PDZD2: variants seen among roughly 807,000 people sequenced by gnomAD.
PDZD2 encodes PDZ domain-containing protein 2.
In PDZD2, 90 loss-of-function variants were observed where a neutral mutation model predicts 220.7. The observed-to-expected ratio is 0.41, with a 90% CI of 0.34 to 0.49. PDZD2 has a LOEUF of 0.49. Ranked by LOEUF, PDZD2 falls within the 20% of genes least tolerant of loss-of-function variation. The pLI is 0.28. For missense variants in PDZD2, 3,174 were observed against 3,608.5 expected, an observed-to-expected ratio of 0.88 and a Z score of 3.08; for synonymous variants, 1,375 against 1,450.5, an observed-to-expected ratio of 0.95 and a Z score of 1.18.
At chr5:31,777,054 G>T (rs1024897217) in intron 1 of PDZD2, among the ~76,000 whole-genome samples, 1 of 152,278 alleles carries the variant, frequency 6.6e-6, no homozygotes, top group East Asian at 1.9e-4. Flanking sequence ...CCCTCTCTGG[G>T]CTGGCCGAGC....
At chr5:31,772,950 T>C (rs1752420169) in intron 1 of PDZD2, among the ~76,000 whole-genome samples, 1 of 152,170 alleles carries the variant, frequency 6.6e-6, no homozygotes, top group South Asian at 2.1e-4. Context: ...GAAGGTTCCA[T>C]GGAGTGTCAG....
chr5:31,830,125 A>G (rs1026492543), intron 2 of PDZD2, among the ~76,000 whole-genome samples: 1 of 149,828 alleles, frequency 6.7e-6, no homozygotes, highest in South Asian at 2.1e-4. Flanking sequence ...ACTTGTTCAC[A>G]TTTTCCCTCC....
At chr5:32,010,292 A>C (rs757571565) in intron 5 of PDZD2, 38 bp from the exon 6 acceptor site, 1 of 1,534,124 alleles carries the variant, frequency 6.5e-7, no homozygotes, top group Non-Finnish European at 8.9e-7. Context: ...GGTTCTGGGG[A>C]GTAATTCATG....
intron 2 of PDZD2, among the ~76,000 whole-genome samples, chr5:31,832,870 GA>G (rs1368644581): frequency 1.3e-5 from 2 of 152,124 alleles, no homozygotes; most frequent in Admixed American, 1.3e-4. Flanking sequence ...ACAGTAAAAA[GA>G]TGTGCAGTTA....
intron 1 of PDZD2, among the ~76,000 whole-genome samples, chr5:31,678,904 G>A (rs1345175240): frequency 6.6e-6 from 1 of 152,142 alleles, no homozygotes; most frequent in Non-Finnish European, 1.5e-5. Flanking sequence ...ACCATGCCCA[G>A]CCTATATTTC....
At chr5:31,678,526 G>GGGGGACGTCTGGAGCCT (rs1246577690) in intron 1 of PDZD2, among the ~76,000 whole-genome samples, 1 of 152,116 alleles carries the variant, frequency 6.6e-6, no homozygotes, top group African/African-American at 2.4e-5. Context: ...CAGTTCTGGT[G>GGGGGACGTCTGGAGCCT]GGGGACGTCT....
chr5:32,042,032 G>A lies in PDZD2; in HGVS notation c.1519+4690G>A, dbSNP rs1308677498. The stretch of plus-strand genomic sequence containing the variant: ...AGATCGAGACCATCCTGGCTAACAC[G>A]GTGAAACCCTCAGGAGATCGAGACC... On this transcript the variant is annotated intron_variant, in intron 7 of 24. Coordinates refer to ENST00000438447, the MANE Select transcript of PDZD2 (RefSeq NM_178140.4). Among the ~76,000 whole-genome samples, 11 of 39,516 alleles carry A rather than the reference G, an allele frequency of 2.8e-4. No homozygotes were observed. In the East Asian group the frequency reaches 3.8e-3, roughly 14 times the overall value. The allele number at this position is 39,516 out of a possible 152,430, so 25.9% of individuals were successfully genotyped here.
chr5:31,940,639 A>ATGG (rs1446596569), intron 2 of PDZD2, among the ~76,000 whole-genome samples: 5 of 152,216 alleles, frequency 3.3e-5, no homozygotes, highest in African/African-American at 4.8e-5. Flanking sequence ...AGGTAGCCTA[A>ATGG]AGCCACATAC....
chr5:32,078,638 TAAAAA>T (rs66500422), intron 19 of PDZD2, among the ~76,000 whole-genome samples: 4 of 104,924 alleles, frequency 3.8e-5, no homozygotes, highest in Non-Finnish European at 7.2e-5. Flanking sequence ...TCTCAAAAAT[TAAAAA>T]AAAAAAAAAA....
intron 1 of PDZD2, among the ~76,000 whole-genome samples, chr5:31,739,491 A>G (rs1430365635): frequency 1.3e-5 from 2 of 152,344 alleles, no homozygotes; most frequent in African/African-American, 2.4e-5. Flanking sequence ...TGATAATTAT[A>G]TGATAAAATG....
chr5:31,849,943 T>C, intron 2 of PDZD2, among the ~76,000 whole-genome samples: 2 of 24,488 alleles, frequency 8.2e-5, no homozygotes, highest in African/African-American at 6.1e-4. Flanking sequence ...CACATATATA[T>C]ATATACATAT....
At chr5:31,960,741 C>A (rs891749650) in intron 2 of PDZD2, among the ~76,000 whole-genome samples, 2 of 137,086 alleles carry the variant, frequency 1.5e-5, no homozygotes, top group African/African-American at 5.1e-5. Context: ...GTAACCCGTG[C>A]TTCTGTTGAA....
intron 1 of PDZD2, among the ~76,000 whole-genome samples, chr5:31,689,353 A>ATATATATATATATATTTTTT: frequency 1.1e-4 from 4 of 35,142 alleles, no homozygotes; most frequent in African/African-American, 4.2e-4. Context: ...ATATATATAT[A>ATATATATATATATATTTTTT]TTTTTTTTTT....
At chr5:32,042,276 A>T (rs1273314955) in intron 7 of PDZD2, among the ~76,000 whole-genome samples, 1 of 125,312 alleles carries the variant, frequency 8.0e-6, no homozygotes, top group African/African-American at 3.0e-5. Flanking sequence ...AAAAAAAAAC[A>T]TCTGGCCGGG....
chr5:31,650,647 TC>T (rs1745315136), intron 1 of PDZD2, among the ~76,000 whole-genome samples: 1 of 152,232 alleles, frequency 6.6e-6, no homozygotes, highest in Non-Finnish European at 1.5e-5. Flanking sequence ...CAAGACTTTT[TC>T]TGATCTTTCT....
At chr5:31,703,592 T>C (rs1232352590) in intron 1 of PDZD2, among the ~76,000 whole-genome samples, 1 of 152,140 alleles carries the variant, frequency 6.6e-6, no homozygotes, top group Non-Finnish European at 1.5e-5. Flanking sequence ...CATGCCGATG[T>C]AATAAACCTG....
At chr5:31,757,382 G>C (rs920242340) in intron 1 of PDZD2, among the ~76,000 whole-genome samples, 3 of 152,164 alleles carry the variant, frequency 2.0e-5, no homozygotes, top group African/African-American at 7.2e-5. Flanking sequence ...ATGAGGTCAG[G>C]AGATCAAGAC....
chr5:31,683,833 G>A (rs965466666), intron 1 of PDZD2, among the ~76,000 whole-genome samples: 1 of 152,146 alleles, frequency 6.6e-6, no homozygotes, highest in Non-Finnish European at 1.5e-5. Context: ...ATTAATCCAA[G>A]TAGTAGGATT....
At chr5:32,092,231 G>A (rs564350985) in intron 20 of PDZD2, among the ~76,000 whole-genome samples, 10 of 148,826 alleles carry the variant, frequency 6.7e-5, no homozygotes, top group East Asian at 6.0e-4. Flanking sequence ...CTGAGATCGC[G>A]TCACTGCACT....
Sources: gnomAD v4.1 joint callset for allele counts (sites outside exome capture counted in the v4.1 genomes callset) on GRCh38, gnomAD v4.1.1 for gene constraint, MANE v1.5 for transcripts, NCBI Gene and HGNC (gene_info 2026-07-23, HGNC 2026-07-21) for gene names.